SCN10A: variants seen among roughly 807,000 people sequenced by gnomAD.
SCN10A encodes sodium channel protein type 10 subunit alpha.
Under a neutral mutation model 170.7 loss-of-function variants are expected in SCN10A, and 162 were observed. That is an observed-to-expected ratio of 0.95 (90% CI 0.84 to 1.08). The LOEUF (loss-of-function observed/expected upper bound fraction) is 1.08, where lower values mean the gene tolerates loss of function less well. SCN10A is among the 50% of genes least tolerant of loss of function. SCN10A has a pLI of 0.00. For missense variants in SCN10A, 2,527 were observed against 2,436.9 expected, an observed-to-expected ratio of 1.04 and a Z score of -0.78; for synonymous variants, 985 against 904.6, an observed-to-expected ratio of 1.09 and a Z score of -1.59.
intron 20 of SCN10A, among the ~76,000 whole-genome samples, chr3:38,721,571 A>G (rs987482024): frequency 5.3e-5 from 8 of 152,138 alleles, no homozygotes; most frequent in African/African-American, 1.4e-4. Flanking sequence ...GGCCTTAGAG[A>G]TGTCTCCCAA....
intron 11 of SCN10A, 80 bp from the exon 12 acceptor site, chr3:38,752,592 A>C: frequency 8.5e-7 from 1 of 1,176,424 alleles, no homozygotes; most frequent in Non-Finnish European, 1.2e-6. Context: ...CCCTCTACCT[A>C]CTCCCATTTC....
intron 4 of SCN10A, among the ~76,000 whole-genome samples, chr3:38,786,664 C>G (rs1489099939): frequency 6.6e-6 from 1 of 151,872 alleles, no homozygotes; most frequent in Non-Finnish European, 1.5e-5. Context: ...TTTCACAAAG[C>G]AAGTGAGGTG....
rs1222532333 is a variant in SCN10A, at chr3:38,726,818, C to T, written c.2875G>A (p.Glu959Lys). The part of the protein sequence containing the change: ...VKLPLSSSKA[E>K]NHIAANTARG... ...GCAGTGTTGGCAGCAATGTGGTTCT[C>T]AGCCTTGGAGCTGGAGAGTGGGAGT... The change falls in exon 17 of 28, where the codon GAG (glutamate) becomes AAG (lysine). Residue 959 changes from glutamate to lysine, a missense_variant. Coordinates refer to ENST00000449082, the MANE Select transcript of SCN10A (RefSeq NM_006514.4). 6.2e-7 allele frequency: 1 copy of T among 1,612,736 alleles called. No homozygotes were observed. Among genetic ancestry groups the T allele is most frequent in the African/African-American group, 1.3e-5 (1 of 75,028 alleles).
At chr3:38,757,818 G>A (rs993831064) in intron 8 of SCN10A, among the ~76,000 whole-genome samples, 2 of 152,098 alleles carry the variant, frequency 1.3e-5, no homozygotes, top group African/African-American at 4.8e-5. Flanking sequence ...GGCCTATGAA[G>A]GAAGGCCAGA....
chr3:38,721,056 T>C (rs2063384611), intron 20 of SCN10A, among the ~76,000 whole-genome samples: 1 of 152,112 alleles, frequency 6.6e-6, no homozygotes, highest in Non-Finnish European at 1.5e-5. Flanking sequence ...AACTCTCTTC[T>C]CCCTTGGCTT....
At chr3:38,698,746 T>C (rs1215697240) in intron 27 of SCN10A, among the ~76,000 whole-genome samples, 184 bp from the exon 28 acceptor site, 1 of 152,120 alleles carries the variant, frequency 6.6e-6, no homozygotes, top group Non-Finnish European at 1.5e-5. Flanking sequence ...TAAATGCCCA[T>C]TGCATAAGTC....
chr3:38,735,604 G>C (rs553188228), intron 15 of SCN10A, among the ~76,000 whole-genome samples: 1 of 152,212 alleles, frequency 6.6e-6, no homozygotes, highest in Non-Finnish European at 1.5e-5. Context: ...ATATGAAAGT[G>C]TGCAGGCCAA....
chr3:38,726,966 G>A lies in SCN10A; in HGVS notation c.2727C>T (p.Asn909=), dbSNP rs567269429. The A allele has an allele frequency of 1.9e-6, 3 of 1,614,260 alleles. No individual in the cohort carries two copies. The highest frequency in any genetic ancestry group is 1.3e-5 in the African/African-American group (1 of 75,070). ...TAPEDDGEVN[N]LQVALARIQV... is the part of the protein sequence containing the mutation. ...GGATCCGTGCCAGGGCCACCTGCAGGTTGTTCACCTCCCCATCGTCCTCCG... is the reference window on the plus strand; with the variant it reads ...GGATCCGTGCCAGGGCCACCTGCAGATTGTTCACCTCCCCATCGTCCTCCG... Residue 909 remains asparagine (N), a synonymous_variant, in exon 17 of 28, where the codon AAC becomes AAT. Coordinates refer to ENST00000449082, the MANE Select transcript of SCN10A (RefSeq NM_006514.4).
chr3:38,704,837 T>C lies in SCN10A; in HGVS notation c.4386+2442A>G, dbSNP rs558316454. Among the ~76,000 whole-genome samples, 23 of 152,312 alleles carry C rather than the reference T, an allele frequency of 1.5e-4. 4 individuals carry two copies. The highest frequency in any genetic ancestry group is 1.3e-3 in the Admixed American group (20 of 15,304). On this transcript the variant is annotated intron_variant, in intron 26 of 27. Transcript: ENST00000449082. ...AAATCCTGTGTCAGTGCTTTGCTGGTATGACCAGCTTGACCTTTGGGGCTC... is the reference window on the plus strand; with the variant it reads ...AAATCCTGTGTCAGTGCTTTGCTGGCATGACCAGCTTGACCTTTGGGGCTC...
At position 38,698,116 on chromosome 3, in the gene SCN10A, A is replaced by G. The variant is rs2063115140; in HGVS notation, c.5104T>C (p.Phe1702Leu). 2.5e-6 allele frequency: 4 copies of G among 1,613,962 alleles called. No individual in the cohort carries two copies. The African/African-American group carries it at 5.3e-5, about 22-fold the overall frequency. The change falls in exon 28 of 28, where the codon TTC (phenylalanine) becomes CTC (leucine). Residue 1702 changes from phenylalanine (F) to leucine (L), a missense_variant. By Grantham distance (22) the Phe-to-Leu change is conservative (BLOSUM62 0). Transcript: ENST00000449082. ...CGSPAVGIIF[F>L]TTYIIISFLI... is the part of the protein sequence containing the mutation. Reference sequence around the variant, plus strand: ...AAGGAGATGATGATGTAGGTGGTGAAGAAGATGATGCCTACGGCTGGGCTC... The same window carrying G: ...AAGGAGATGATGATGTAGGTGGTGAGGAAGATGATGCCTACGGCTGGGCTC...
intron 22 of SCN10A, among the ~76,000 whole-genome samples, chr3:38,713,029 C>G (rs1424632603): frequency 6.6e-6 from 1 of 152,190 alleles, no homozygotes. Context: ...CTACTTCCAG[C>G]CAATGATAGT....
intron 1 of SCN10A, among the ~76,000 whole-genome samples, chr3:38,799,363 C>A (rs1368328943): frequency 6.6e-6 from 1 of 152,176 alleles, no homozygotes; most frequent in Non-Finnish European, 1.5e-5. Context: ...GACTGTCTAA[C>A]CTTGCATTTT....
rs1559405449 is a variant in SCN10A at position 38,697,537 on chromosome 3, CA to C, written c.5682del (p.Phe1894LeufsTer41). ...CAATTTTCATTTGCTGTGAATGCAA[CA>C]AAACCTTCATCTGGGAGTGATGCAG... Reference protein sequence around the residue: ...EEAASLPDEGFVAFTANENCV... With the variant: ...EEAASLPDEGXVAFTANENCV... On this transcript the variant is annotated frameshift_variant, in exon 28 of 28. Transcript: ENST00000449082. LOFTEE classifies it high-confidence loss of function. 1 of 1,614,174 alleles carries C rather than the reference CA, an allele frequency of 6.2e-7. No homozygotes were observed. Among genetic ancestry groups the C allele is most frequent in the South Asian group, 1.1e-5 (1 of 91,078 alleles).
chr3:38,801,592 T>C (rs76389189), intron 1 of SCN10A, among the ~76,000 whole-genome samples: 98 of 152,234 alleles, frequency 6.4e-4, no homozygotes, highest in Non-Finnish European at 1.3e-3. Context: ...CAGCAACTGA[T>C]CTGAATGTGT....
intron 5 of SCN10A, among the ~76,000 whole-genome samples, chr3:38,769,437 C>A (rs895665234): frequency 6.6e-6 from 1 of 151,994 alleles, no homozygotes; most frequent in African/African-American, 2.4e-5. Flanking sequence ...CGGGGTTTCT[C>A]CATGTTGGCT....
At chr3:38,749,440 G>A (rs2063725435) in intron 13 of SCN10A, among the ~76,000 whole-genome samples, 1 of 152,364 alleles carries the variant, frequency 6.6e-6, no homozygotes, top group East Asian at 1.9e-4. Flanking sequence ...ATGGCAAAGT[G>A]TGTGGATAGG....
chr3:38,792,334 T>C (rs2064293254), intron 2 of SCN10A, among the ~76,000 whole-genome samples, 166 bp from the exon 3 acceptor site: 1 of 152,068 alleles, frequency 6.6e-6, no homozygotes, highest in East Asian at 1.9e-4. Flanking sequence ...GCAGAGAGGA[T>C]CAAGGACTAA....
intron 1 of SCN10A, among the ~76,000 whole-genome samples, chr3:38,810,004 C>T (rs2064430093): frequency 6.6e-6 from 1 of 152,114 alleles, no homozygotes; most frequent in Admixed American, 6.6e-5. Context: ...GCCACATACA[C>T]ATTGCACTCT....
At chr3:38,759,361 C>T (rs544257311) in intron 8 of SCN10A, among the ~76,000 whole-genome samples, 1 of 152,114 alleles carries the variant, frequency 6.6e-6, no homozygotes, top group South Asian at 2.1e-4. Flanking sequence ...ACATTCTGTT[C>T]TGCCACCTGG....
Sources: allele counts gnomAD v4.1 joint callset (sites outside exome capture counted in the v4.1 genomes callset), GRCh38; gene constraint gnomAD v4.1.1; transcripts MANE v1.5; gene names NCBI Gene and HGNC (gene_info 2026-07-23, HGNC 2026-07-21).